The following RORB variants were observed in gnomAD, a reference collection of about 807,000 sequenced individuals.
RORB encodes the protein RAR related orphan receptor B.
In RORB, 6 loss-of-function variants were observed where a neutral mutation model predicts 59.1. The observed-to-expected ratio is 0.10, with a 90% CI of 0.06 to 0.20. The LOEUF (loss-of-function observed/expected upper bound fraction) is 0.20, where lower values mean the gene tolerates loss of function less well. Among genes scored for constraint, RORB ranks in the 10% least tolerant of loss-of-function variants. The pLI, the probability that RORB is intolerant of heterozygous loss-of-function variation, is 1.00. For missense variants in RORB, 320 were observed against 560.5 expected, an observed-to-expected ratio of 0.57 and a Z score of 4.33; for synonymous variants, 215 against 204.5, an observed-to-expected ratio of 1.05 and a Z score of -0.44.
intron 1 of RORB, among the ~76,000 whole-genome samples, chr9:74,579,876 C>G (rs1202449268): frequency 1.3e-5 from 2 of 152,080 alleles, no homozygotes; most frequent in Admixed American, 1.3e-4. Context: ...ACAGTAGTTC[C>G]CTCTTATCCA....
intron 1 of RORB, among the ~76,000 whole-genome samples, chr9:74,522,190 T>C (rs1051452250): frequency 6.6e-6 from 1 of 151,832 alleles, no homozygotes; most frequent in Admixed American, 6.6e-5. Flanking sequence ...TATTTTAGCA[T>C]GCCTTCAATT....
chr9:74,648,712 C>T (rs1378700222), intron 4 of RORB, among the ~76,000 whole-genome samples: 1 of 152,120 alleles, frequency 6.6e-6, no homozygotes, highest in African/African-American at 2.4e-5. Context: ...GTCCATCCTC[C>T]TGAAAACAAA....
At chr9:74,684,667 A>C (rs72614691) in intron 9 of RORB, among the ~76,000 whole-genome samples, 8,886 of 152,232 alleles carry the variant, frequency 0.058, 469 homozygotes, top group East Asian at 0.29. Flanking sequence ...TCAAAACCTA[A>C]CAATTGTAAG....
At chr9:74,510,235 C>T (rs1825918017) in intron 1 of RORB, among the ~76,000 whole-genome samples, 1 of 152,070 alleles carries the variant, frequency 6.6e-6, no homozygotes, top group Non-Finnish European at 1.5e-5. Context: ...GAAAATGAGC[C>T]ACAATGGGTT....
chr9:74,660,587 A>T (rs749148618), intron 4 of RORB, 30 bp from the exon 5 acceptor site: 5 of 1,588,114 alleles, frequency 3.1e-6, no homozygotes, highest in Non-Finnish European at 4.3e-6. Context: ...TTTTATTCAC[A>T]AACCTTTGAA....
intron 1 of RORB, among the ~76,000 whole-genome samples, chr9:74,522,317 T>C (rs1309390400): frequency 1.3e-5 from 2 of 151,786 alleles, no homozygotes; most frequent in African/African-American, 4.8e-5. Context: ...GCATCATTAA[T>C]ATAATAATAG....
At chr9:74,498,154 CG>C in intron 1 of RORB, 171 bp downstream of exon 1, 1 of 753,928 alleles carries the variant, frequency 1.3e-6, no homozygotes, top group Non-Finnish European at 2.2e-6. Flanking sequence ...TAGAAAGTTG[CG>C]GGAAGGTGTT....
At chr9:74,544,800 C>T (rs1563933164) in intron 1 of RORB, among the ~76,000 whole-genome samples, 1 of 152,268 alleles carries the variant, frequency 6.6e-6, no homozygotes, top group African/African-American at 2.4e-5. Flanking sequence ...CTGAGTCAAC[C>T]CCCACCTGCA....
chr9:74,675,511 C>T (rs757655543), intron 9 of RORB, among the ~76,000 whole-genome samples: 3 of 152,136 alleles, frequency 2.0e-5, no homozygotes, highest in Non-Finnish European at 4.4e-5. Context: ...TTCCTCCTGA[C>T]ATCTTGTGTT....
chr9:74,504,786 A>G (rs934159443), intron 1 of RORB, among the ~76,000 whole-genome samples: 4 of 152,116 alleles, frequency 2.6e-5, no homozygotes, highest in African/African-American at 9.7e-5. Context: ...GGAGTATATG[A>G]AAAACTTGGG....
chr9:74,515,610 G>C (rs1379516720), intron 1 of RORB, among the ~76,000 whole-genome samples: 3 of 151,778 alleles, frequency 2.0e-5, no homozygotes, highest in African/African-American at 4.8e-5. Context: ...TCCCTCCCAT[G>C]AAAAAATATG....
chr9:74,660,943 C>T (rs1014985881), intron 5 of RORB, among the ~76,000 whole-genome samples: 1 of 152,182 alleles, frequency 6.6e-6, no homozygotes, highest in African/African-American at 2.4e-5. Context: ...GAAATGTCTC[C>T]AGATACTGCC....
intron 1 of RORB, among the ~76,000 whole-genome samples, chr9:74,615,858 T>C (rs1188252781): frequency 1.3e-5 from 2 of 152,196 alleles, no homozygotes; most frequent in African/African-American, 4.8e-5. Flanking sequence ...TGTCATATCC[T>C]GGAGTGAACT....
intron 3 of RORB, among the ~76,000 whole-genome samples, chr9:74,640,775 G>A (rs1823790316): frequency 6.6e-6 from 1 of 152,136 alleles, no homozygotes; most frequent in African/African-American, 2.4e-5. Flanking sequence ...TGCCAGTGAG[G>A]GGGCTTAGGA....
At chr9:74,622,157 A>G (rs1322544385) in intron 1 of RORB, among the ~76,000 whole-genome samples, 1 of 152,170 alleles carries the variant, frequency 6.6e-6, no homozygotes, top group Non-Finnish European at 1.5e-5. Flanking sequence ...GGTGTGCCCC[A>G]TCCCTGTCCT....
chr9:74,521,716 G>T (rs1826088133), intron 1 of RORB, among the ~76,000 whole-genome samples: 1 of 151,576 alleles, frequency 6.6e-6, no homozygotes, highest in Non-Finnish European at 1.5e-5. Flanking sequence ...TCCTGATCTC[G>T]GATTGTCACA....
At chr9:74,624,360 T>G (rs558184990) in intron 1 of RORB, among the ~76,000 whole-genome samples, 1 of 152,260 alleles carries the variant, frequency 6.6e-6, no homozygotes, top group East Asian at 1.9e-4. Flanking sequence ...TGCACCATAT[T>G]GTATATTTAG....
chr9:74,613,310 A>T (rs1168174031), intron 1 of RORB, among the ~76,000 whole-genome samples: 1 of 152,200 alleles, frequency 6.6e-6, no homozygotes, highest in African/African-American at 2.4e-5. Flanking sequence ...AAGAAGTGAC[A>T]ACCAGATGTG....
chr9:74,570,176 A>C (rs1822530174), intron 1 of RORB, among the ~76,000 whole-genome samples: 1 of 152,086 alleles, frequency 6.6e-6, no homozygotes, highest in Non-Finnish European at 1.5e-5. Context: ...TGTTTTCCAT[A>C]AGCATTCTTC....
Sources: allele counts gnomAD v4.1 joint callset (sites outside exome capture counted in the v4.1 genomes callset), GRCh38; gene constraint gnomAD v4.1.1; transcripts MANE v1.5; gene names NCBI Gene and HGNC (gene_info 2026-07-23, HGNC 2026-07-21).